Variants in RBFOX1 observed in about 807,000 individuals in gnomAD.
The protein encoded by RBFOX1 is RNA binding protein fox-1 homolog 1.
Under a neutral mutation model 57.7 loss-of-function variants are expected in RBFOX1, and 8 were observed. That is an observed-to-expected ratio of 0.14 (90% CI 0.08 to 0.25). The LOEUF (loss-of-function observed/expected upper bound fraction) is 0.25. Among genes scored for constraint, RBFOX1 ranks in the 10% least tolerant of loss-of-function variants. RBFOX1 has a pLI of 1.00. For missense variants in RBFOX1, 611 were observed against 548.5 expected, an observed-to-expected ratio of 1.11 and a Z score of -1.14; for synonymous variants, 326 against 222.4, an observed-to-expected ratio of 1.47 and a Z score of -4.15.
At chr16:6,556,179 G>C (rs1460457367) in intron 2 of RBFOX1, among the ~76,000 whole-genome samples, 3 of 152,086 alleles carry the variant, frequency 2.0e-5, no homozygotes, top group African/African-American at 7.2e-5. Context: ...AAACGTGGGC[G>C]GCATTGACTT....
At chr16:6,819,754 G>T (rs2097653034) in intron 3 of RBFOX1, among the ~76,000 whole-genome samples, 2 of 132,198 alleles carry the variant, frequency 1.5e-5, no homozygotes, top group South Asian at 5.0e-4. Flanking sequence ...AAGGTATATA[G>T]TATAACAGGT....
chr16:7,379,788 G>GCCTGCCTC (rs1301168324), intron 4 of RBFOX1, among the ~76,000 whole-genome samples: 19 of 149,532 alleles, frequency 1.3e-4, no homozygotes, highest in African/African-American at 4.2e-4. Flanking sequence ...CGTCCTGCCT[G>GCCTGCCTC]CCTGCCTCCC....
rs150023301 is a variant in RBFOX1, at chr16:6,606,486, C to T, written c.-63-48117C>T. On this transcript the variant is annotated intron_variant, in intron 2 of 15. Transcript: ENST00000550418. ...CATCACCTAGTTATTAAGCCCCATA[C>T]GCATTAGCTGTTTATCCTGATGCTT... Among the ~76,000 whole-genome samples, 879 of 152,230 alleles carry T rather than the reference C, an allele frequency of 5.8e-3. 2 individuals carry two copies. Among genetic ancestry groups the T allele is most frequent in the Non-Finnish European group, 9.2e-3 (623 of 68,016 alleles).
At chr16:6,516,861 G>T (rs532110721) in intron 2 of RBFOX1, among the ~76,000 whole-genome samples, 4 of 152,256 alleles carry the variant, frequency 2.6e-5, no homozygotes, top group African/African-American at 7.2e-5. Context: ...ATACAGTGGG[G>T]TATTATGGGA....
chr16:5,269,382 A>G (rs560583292), intron 1 of RBFOX1, among the ~76,000 whole-genome samples: 33 of 152,410 alleles, frequency 2.2e-4, no homozygotes, highest in African/African-American at 5.5e-4. Context: ...TTCATATTCA[A>G]AAATGAAAGC....
At chr16:7,184,423 T>C (rs2083318185) in intron 4 of RBFOX1, among the ~76,000 whole-genome samples, 1 of 152,180 alleles carries the variant, frequency 6.6e-6, no homozygotes, top group Non-Finnish European at 1.5e-5. Context: ...TTATAGCATA[T>C]CCACAAACAC....
chr16:5,610,964 G>A (rs946346011), intron 3 of RBFOX1, among the ~76,000 whole-genome samples: 8 of 152,168 alleles, frequency 5.3e-5, no homozygotes, highest in African/African-American at 1.7e-4. Flanking sequence ...TGGTTCTCAG[G>A]CTAAAATCCA....
intron 3 of RBFOX1, among the ~76,000 whole-genome samples, chr16:5,850,200 C>G (rs566044820): frequency 2.6e-5 from 4 of 152,012 alleles, no homozygotes; most frequent in African/African-American, 9.6e-5. Context: ...GAGGGATAAG[C>G]GGAGGGGATG....
intron 2 of RBFOX1, among the ~76,000 whole-genome samples, chr16:5,542,074 T>A (rs548056552): frequency 6.6e-6 from 1 of 152,172 alleles, no homozygotes; most frequent in African/African-American, 2.4e-5. Context: ...GAAAACAGCC[T>A]CTTGAGGGTT....
chr16:5,835,190 G>A (rs1211015766), intron 3 of RBFOX1, among the ~76,000 whole-genome samples: 1 of 152,164 alleles, frequency 6.6e-6, no homozygotes, highest in African/African-American at 2.4e-5. Flanking sequence ...AGAGGCTGGT[G>A]AGGGCTTCCT....
chr16:7,357,270 A>C (rs12444565), intron 4 of RBFOX1, among the ~76,000 whole-genome samples: 4,719 of 152,146 alleles, frequency 0.031, 104 homozygotes, highest in Non-Finnish European at 0.047. Context: ...GGAGGATATC[A>C]GTCCTGTGGG....
intron 1 of RBFOX1, among the ~76,000 whole-genome samples, chr16:6,183,845 G>C (rs1028461279): frequency 6.6e-6 from 1 of 152,166 alleles, no homozygotes; most frequent in African/African-American, 2.4e-5. Context: ...GGAGCATGTA[G>C]GGCTTTGAAG....
intron 1 of RBFOX1, among the ~76,000 whole-genome samples, chr16:6,188,891 GCTTTT>G (rs1301312418): frequency 6.8e-6 from 1 of 146,188 alleles, no homozygotes. Context: ...ACACCAGTCT[GCTTTT>G]CTTTTATTAA....
chr16:5,744,560 T>C (rs986283449), intron 3 of RBFOX1, among the ~76,000 whole-genome samples: 2 of 152,156 alleles, frequency 1.3e-5, no homozygotes, highest in Admixed American at 6.6e-5. Context: ...AATTGGAGTA[T>C]TTACAACACA....
intron 3 of RBFOX1, among the ~76,000 whole-genome samples, chr16:6,941,968 C>A (rs1342810821): frequency 6.6e-6 from 1 of 152,130 alleles, no homozygotes; most frequent in Middle Eastern, 3.2e-3. Flanking sequence ...ATGGCTCACA[C>A]CTGTAATCCC....
intron 3 of RBFOX1, among the ~76,000 whole-genome samples, chr16:6,883,000 G>A (rs9927199): frequency 3.7e-4 from 56 of 152,150 alleles, no homozygotes; most frequent in African/African-American, 1.3e-3. Flanking sequence ...ATTGTGAATT[G>A]TTAAGTCCAA....
At chr16:6,687,624 C>G (rs2059623099) in intron 3 of RBFOX1, among the ~76,000 whole-genome samples, 5 of 152,170 alleles carry the variant, frequency 3.3e-5, no homozygotes, top group African/African-American at 7.2e-5. Context: ...TAAGAAGGTT[C>G]TCTTCCAAGG....
intron 3 of RBFOX1, among the ~76,000 whole-genome samples, chr16:6,752,264 C>G (rs1360996595): frequency 6.6e-6 from 1 of 152,114 alleles, no homozygotes; most frequent in Non-Finnish European, 1.5e-5. Flanking sequence ...TTTATAACAT[C>G]GAAGTGATAG....
chr16:6,799,566 A>G (rs75605007), intron 3 of RBFOX1, among the ~76,000 whole-genome samples: 1 of 152,206 alleles, frequency 6.6e-6, no homozygotes, highest in African/African-American at 2.4e-5. Context: ...GTCAGAGGAG[A>G]TAAACACCTG....
Sources: gnomAD v4.1 joint callset for allele counts (sites outside exome capture counted in the v4.1 genomes callset) on GRCh38, gnomAD v4.1.1 for gene constraint, MANE v1.5 for transcripts, NCBI Gene and HGNC (gene_info 2026-07-23, HGNC 2026-07-21) for gene names.